Variants in ANKS1B observed in about 807,000 individuals in gnomAD.
The protein encoded by ANKS1B is ankyrin repeat and sterile alpha motif domain containing 1B, also known as ankyrin repeat and sterile alpha motif domain-containing protein 1B.
Under a neutral mutation model 148.3 loss-of-function variants are expected in ANKS1B, and 36 were observed. The ratio of observed to expected loss-of-function variants is 0.24; its 90% CI spans 0.19 to 0.32. The LOEUF (loss-of-function observed/expected upper bound fraction) is 0.32. ANKS1B is among the 10% of genes least tolerant of loss of function. The pLI, the probability that ANKS1B is intolerant of heterozygous loss-of-function variation, is 1.00. For synonymous variants in ANKS1B, 542 were observed against 560.8 expected (o/e 0.97, Z 0.47); for missense variants, 1,157 against 1,542.6 (o/e 0.75, Z 4.19).
At chr12:99,466,630 A>G (rs2096121169) in intron 10 of ANKS1B, among the ~76,000 whole-genome samples, 1 of 150,528 alleles carries the variant, frequency 6.6e-6, no homozygotes, top group South Asian at 2.1e-4. Flanking sequence ...CCACAGAAAT[A>G]CAAACTAACA....
intron 8 of ANKS1B, among the ~76,000 whole-genome samples, chr12:99,765,208 G>C (rs2062532780): frequency 2.0e-5 from 3 of 152,180 alleles, no homozygotes; most frequent in East Asian, 1.9e-4. Flanking sequence ...CTACCTCATG[G>C]GATTGTTGTC....
intron 8 of ANKS1B, among the ~76,000 whole-genome samples, chr12:99,689,233 A>C (rs1235695032): frequency 6.6e-6 from 1 of 152,258 alleles, no homozygotes; most frequent in Non-Finnish European, 1.5e-5. Context: ...TTCATGTTTG[A>C]ATTCCTAATA....
chr12:99,888,613 C>A (rs749545434), intron 1 of ANKS1B, among the ~76,000 whole-genome samples: 6 of 152,098 alleles, frequency 3.9e-5, no homozygotes, highest in Non-Finnish European at 5.9e-5. Flanking sequence ...GAAAAAAGAT[C>A]GGCCAACTAA....
chr12:98,966,980 T>C (rs2099878625), intron 17 of ANKS1B, among the ~76,000 whole-genome samples: 1 of 152,094 alleles, frequency 6.6e-6, no homozygotes, highest in Non-Finnish European at 1.5e-5. Context: ...ATGGCACATG[T>C]ATACATATGT....
chr12:99,893,489 T>C (rs112832501), intron 1 of ANKS1B, among the ~76,000 whole-genome samples: 3,436 of 152,114 alleles, frequency 0.023, 69 homozygotes, highest in Non-Finnish European at 0.035. Context: ...TGAAAAGCCA[T>C]TTCATGAAGC....
In ANKS1B at chr12:99,246,450, T is replaced by G; in HGVS notation, c.2171A>C (p.Lys724Thr). The change falls in exon 13 of 27, where the codon AAA becomes ACA. Residue 724 changes from lysine to threonine, a missense_variant. Around this residue, in one of 6 missense-constraint regions of ANKS1B, gnomAD observed 661 missense variants for 642.1 expected, o/e 1.03. Transcript: ENST00000683438. ...CTLGRIRSLP[K>T]ALIDMHLSKS... ...TGACAAATGCATGTCGATCAAGGCTTTAGGCAATGACCTTATTCTCCCCAG... is the reference window on the plus strand; with the variant it reads ...TGACAAATGCATGTCGATCAAGGCTGTAGGCAATGACCTTATTCTCCCCAG... The G allele has an allele frequency of 6.2e-7, 1 of 1,613,856 alleles. No homozygotes were observed. The highest frequency in any genetic ancestry group is 8.5e-7 in the Non-Finnish European group (1 of 1,179,844).
intron 9 of ANKS1B, among the ~76,000 whole-genome samples, chr12:99,641,539 A>G (rs1028860516): frequency 6.6e-6 from 1 of 152,220 alleles, no homozygotes; most frequent in African/African-American, 2.4e-5. Context: ...CATCTGTGAA[A>G]CAAATGGATG....
chr12:99,192,081 G>A lies in ANKS1B; in HGVS notation c.2420-37686C>T, dbSNP rs1005213670. Among the ~76,000 whole-genome samples, 19 of 124,778 alleles carry A rather than the reference G, an allele frequency of 1.5e-4. 1 individual carries two copies. Among genetic ancestry groups the A allele is most frequent in the Admixed American group, 1.4e-3 (13 of 9,612 alleles). The allele number at this position is 124,778 out of a possible 152,430, so 81.9% of individuals were successfully genotyped here. A position where few individuals can be genotyped will look rare whatever the true frequency, so the allele number is the denominator to read the frequency against. ...CGAGAGGTGGAGGCTGCAGTGAGCC[G>A]AGATTGTGCCACTGCACTCCAGCCT... On this transcript the variant is annotated intron_variant, in intron 14 of 26. Transcript: ENST00000683438.
intron 11 of ANKS1B, among the ~76,000 whole-genome samples, chr12:99,416,317 T>G (rs1201489792): frequency 6.6e-6 from 1 of 152,234 alleles, no homozygotes; most frequent in Non-Finnish European, 1.5e-5. Flanking sequence ...TATAAATATT[T>G]GTGTACAGAT....
chr12:98,768,398 CAGAAGGCCACCCCTG>C (rs2098513777), intron 25 of ANKS1B, among the ~76,000 whole-genome samples: 1 of 127,558 alleles, frequency 7.8e-6, no homozygotes. Context: ...ATGTGTTCTG[CAGAAGGCCACCCCTG>C]TGGGGTGCTC....
intron 9 of ANKS1B, among the ~76,000 whole-genome samples, chr12:99,515,505 ATC>A (rs2096808787): frequency 1.3e-5 from 2 of 152,106 alleles, no homozygotes; most frequent in South Asian, 4.1e-4. Context: ...AAATAAAAGG[ATC>A]TCTCTTTTAC....
rs2097842553 is a variant in ANKS1B, at chr12:98,744,570, A to G, written c.*1169T>C. 1.5e-6 allele frequency: 1 copy of G among 681,194 alleles called. No homozygotes were observed. The highest frequency in any genetic ancestry group is 1.9e-5 in the African/African-American group (1 of 51,414). The allele number at this position is 681,194 out of a possible 1,614,324, so 42.2% of individuals were successfully genotyped here. On this transcript the variant is annotated 3_prime_UTR_variant, in exon 27 of 27. Transcript: ENST00000683438. Reference sequence around the variant, plus strand: ...ATACAAATACTCCACAGAGACATTAAAAAATTAAAATACCTTAAAGAAATG... The same window carrying G: ...ATACAAATACTCCACAGAGACATTAGAAAATTAAAATACCTTAAAGAAATG...
chr12:99,098,222 A>G (rs2056845144), intron 15 of ANKS1B, among the ~76,000 whole-genome samples: 1 of 152,190 alleles, frequency 6.6e-6, no homozygotes, highest in South Asian at 2.1e-4. Context: ...GCTGCTTTGG[A>G]AATGAAGATG....
At chr12:98,768,685 G>C (rs1424742423) in intron 25 of ANKS1B, among the ~76,000 whole-genome samples, 1 of 147,082 alleles carries the variant, frequency 6.8e-6, no homozygotes, top group Non-Finnish European at 1.5e-5. Flanking sequence ...AGTGAGCAGA[G>C]ATCGTGCCAC....
At chr12:98,993,149 C>CT (rs1198168834) in intron 17 of ANKS1B, among the ~76,000 whole-genome samples, 8 of 152,158 alleles carry the variant, frequency 5.3e-5, no homozygotes, top group East Asian at 1.9e-4. Flanking sequence ...ATAGTTGATT[C>CT]TTTTTTTAAA....
At chr12:98,997,809 G>A (rs1027793769) in intron 17 of ANKS1B, among the ~76,000 whole-genome samples, 1 of 151,892 alleles carries the variant, frequency 6.6e-6, no homozygotes, top group African/African-American at 2.4e-5. Context: ...TTCAATCTTC[G>A]GACACTTAAA....
At chr12:99,730,113 C>G (rs1443521211) in intron 8 of ANKS1B, among the ~76,000 whole-genome samples, 2 of 152,202 alleles carry the variant, frequency 1.3e-5, no homozygotes, top group Non-Finnish European at 2.9e-5. Context: ...TAAGTGCCAG[C>G]TGATTTATGT....
At chr12:99,248,914 C>A (rs1566733311) in intron 12 of ANKS1B, among the ~76,000 whole-genome samples, 2 of 152,184 alleles carry the variant, frequency 1.3e-5, no homozygotes, top group Non-Finnish European at 2.9e-5. Flanking sequence ...ATGACTGTAT[C>A]TGGAATTTGG....
intron 17 of ANKS1B, among the ~76,000 whole-genome samples, chr12:98,924,980 G>A (rs2099806195): frequency 1.3e-5 from 2 of 152,034 alleles, no homozygotes; most frequent in Admixed American, 6.6e-5. Flanking sequence ...AAGTCCAGAC[G>A]GGATAAGGAG....
Sources: gnomAD v4.1 joint callset for allele counts (sites outside exome capture counted in the v4.1 genomes callset) on GRCh38, gnomAD v4.1.1 for gene constraint, gnomAD v4.1.1 regional missense constraint, MANE v1.5 for transcripts, NCBI Gene and HGNC (gene_info 2026-07-23, HGNC 2026-07-21) for gene names.